The following PPP3CA variants were observed in gnomAD, a reference collection of about 807,000 sequenced individuals.
PPP3CA encodes protein phosphatase 3 catalytic subunit alpha, also known as CAM-PRP catalytic subunit.
In PPP3CA, 14 loss-of-function variants were observed where a neutral mutation model predicts 66.5. That is an observed-to-expected ratio of 0.21 (90% CI 0.14 to 0.33). The LOEUF is 0.33. Among genes scored for constraint, PPP3CA ranks in the 10% least tolerant of loss-of-function variants. PPP3CA has a pLI of 1.00. For missense variants in PPP3CA, 317 were observed against 639.5 expected, an observed-to-expected ratio of 0.50 and a Z score of 5.44; for synonymous variants, 232 against 226.2, an observed-to-expected ratio of 1.03 and a Z score of -0.23.
intron 2 of PPP3CA, among the ~76,000 whole-genome samples, chr4:101,180,037 G>C (rs142902283): frequency 6.6e-6 from 1 of 152,084 alleles, no homozygotes; most frequent in Non-Finnish European, 1.5e-5. Context: ...AAAATGATAG[G>C]ACCATGATTA....
chr4:101,085,024 T>C (rs903808601), intron 6 of PPP3CA, among the ~76,000 whole-genome samples: 2 of 152,148 alleles, frequency 1.3e-5, no homozygotes, highest in Non-Finnish European at 2.9e-5. Flanking sequence ...GGTAAGTGTG[T>C]GTCAGAGAAA....
intron 11 of PPP3CA, among the ~76,000 whole-genome samples, chr4:101,034,350 AAAT>A (rs1223760465): frequency 1.3e-5 from 2 of 152,124 alleles, no homozygotes; most frequent in African/African-American, 4.8e-5. Flanking sequence ...ATGCCATTTA[AAAT>A]AATAATAATC....
chr4:101,194,541 T>C (rs1330008947), intron 2 of PPP3CA, among the ~76,000 whole-genome samples: 1 of 152,152 alleles, frequency 6.6e-6, no homozygotes, highest in Non-Finnish European at 1.5e-5. Context: ...CCAAAGTCTC[T>C]GGTATTAGAA....
At chr4:101,117,337 A>AG (rs1439726725) in intron 2 of PPP3CA, among the ~76,000 whole-genome samples, 1 of 151,918 alleles carries the variant, frequency 6.6e-6, no homozygotes, top group Non-Finnish European at 1.5e-5. Context: ...AGCATATACA[A>AG]TACCATCATT....
intron 1 of PPP3CA, among the ~76,000 whole-genome samples, chr4:101,310,289 T>A (rs1265323225): frequency 6.6e-6 from 1 of 152,228 alleles, no homozygotes; most frequent in Non-Finnish European, 1.5e-5. Context: ...TTAATATTGA[T>A]CAACTTGACT....
intron 2 of PPP3CA, among the ~76,000 whole-genome samples, chr4:101,176,168 T>C (rs1724052239): frequency 6.6e-6 from 1 of 152,102 alleles, no homozygotes; most frequent in Non-Finnish European, 1.5e-5. Context: ...CATTAAGGGA[T>C]TGCTTTATTT....
intron 1 of PPP3CA, among the ~76,000 whole-genome samples, chr4:101,203,695 A>C (rs1285409209): frequency 1.3e-5 from 2 of 152,126 alleles, no homozygotes; most frequent in African/African-American, 4.8e-5. Context: ...AGATTTTCTC[A>C]TGCTCCTTCC....
At chr4:101,057,107 T>G (rs1728259131) in intron 10 of PPP3CA, among the ~76,000 whole-genome samples, 1 of 151,798 alleles carries the variant, frequency 6.6e-6, no homozygotes, top group Admixed American at 6.6e-5. Flanking sequence ...CAGGTTGGAG[T>G]GCACTGGTGC....
At chr4:101,112,630 T>C (rs552676837) in intron 2 of PPP3CA, among the ~76,000 whole-genome samples, 10 of 152,224 alleles carry the variant, frequency 6.6e-5, no homozygotes, top group African/African-American at 2.4e-4. Flanking sequence ...ATGGAGGTAT[T>C]TTCTTCCTCG....
chr4:101,115,446 TGTAA>T (rs1414621412), intron 2 of PPP3CA, among the ~76,000 whole-genome samples: 2 of 152,058 alleles, frequency 1.3e-5, no homozygotes, highest in African/African-American at 4.8e-5. Context: ...TCTTGTTTTA[TGTAA>T]GTGTTAGGTA....
chr4:101,228,235 T>C (rs749486569), intron 1 of PPP3CA, among the ~76,000 whole-genome samples: 1 of 151,754 alleles, frequency 6.6e-6, no homozygotes, highest in Non-Finnish European at 1.5e-5. Flanking sequence ...GAAATCACCA[T>C]GAGACTGCTC....
intron 2 of PPP3CA, among the ~76,000 whole-genome samples, chr4:101,122,112 T>C (rs1462666098): frequency 6.6e-6 from 1 of 152,180 alleles, no homozygotes; most frequent in Non-Finnish European, 1.5e-5. Flanking sequence ...AGGCTTGAAA[T>C]GGTTGCTGTA....
intron 1 of PPP3CA, among the ~76,000 whole-genome samples, chr4:101,316,723 T>A (rs963858316): frequency 2.0e-5 from 3 of 151,446 alleles, no homozygotes; most frequent in Non-Finnish European, 4.4e-5. Context: ...GGTCCAACTA[T>A]TTATAGAGAT....
At chr4:101,207,748 C>A (rs1290100911) in intron 1 of PPP3CA, among the ~76,000 whole-genome samples, 5 of 151,942 alleles carry the variant, frequency 3.3e-5, no homozygotes, top group African/African-American at 1.2e-4. Flanking sequence ...ATCACTTGAA[C>A]CTGGGAGGCA....
At position 101,169,430 on chromosome 4, in the gene PPP3CA, AC is replaced by A. The variant is rs557324846; in HGVS notation, c.259+26485del. Among the ~76,000 whole-genome samples, 423 of 152,298 alleles carry A rather than the reference AC, an allele frequency of 2.8e-3. 3 individuals are homozygous for A. The highest frequency in any genetic ancestry group is 9.5e-3 in the African/African-American group (393 of 41,574). The stretch of plus-strand genomic sequence containing the variant: ...TCCAGAGGGCGCTATTTACCAGGCT[AC>A]CATGTCATGAGACGTGTAGTGCAGA... On this transcript the variant is annotated intron_variant, in intron 2 of 13. Coordinates refer to ENST00000394854, the MANE Select transcript of PPP3CA (RefSeq NM_000944.5).
In PPP3CA at chr4:101,229,886, G is replaced by A. The variant is rs1372352482; in HGVS notation, c.59-33770C>T. 4.0e-5 allele frequency among the ~76,000 whole-genome samples: 6 copies of A among 151,190 alleles called. 1 individual carries two copies. Among genetic ancestry groups the A allele is most frequent in the Non-Finnish European group, 5.9e-5 (4 of 67,660 alleles). On this transcript the variant is annotated intron_variant, in intron 1 of 13. Transcript: ENST00000394854. ...GCAAAAAGAAAAGTGAGATAGTAAC[G>A]AAAAAAATTGGGAAAGGATAGAAGA... is the stretch of plus-strand genomic sequence containing the variant.
rs184790331 is a variant in PPP3CA at position 101,264,868 on chromosome 4, T to G, written c.59-68752A>C. Among the ~76,000 whole-genome samples the G allele has an allele frequency of 3.4e-3, 512 of 152,236 alleles. 2 individuals are homozygous for G. Among genetic ancestry groups the G allele is most frequent in the African/African-American group, 0.012 (484 of 41,544 alleles). On this transcript the variant is annotated intron_variant, in intron 1 of 13. Transcript: ENST00000394854. ...GAGTTCTGGTGATATATGCCCTTATTAAAGGAGGTAGCAGGGAAAAGTCAG... is the reference window on the plus strand; with the variant it reads ...GAGTTCTGGTGATATATGCCCTTATGAAAGGAGGTAGCAGGGAAAAGTCAG...
intron 1 of PPP3CA, among the ~76,000 whole-genome samples, chr4:101,303,277 T>C (rs1000092647): frequency 2.0e-5 from 3 of 152,200 alleles, no homozygotes; most frequent in African/African-American, 7.2e-5. Flanking sequence ...ACAAATGTAA[T>C]ATTCATATTC....
At chr4:101,028,744 T>C (rs958376230) in intron 13 of PPP3CA, among the ~76,000 whole-genome samples, 1 of 152,198 alleles carries the variant, frequency 6.6e-6, no homozygotes, top group East Asian at 1.9e-4. Context: ...TTTTTTCCTT[T>C]GGCTACAAAC....
Sources: allele counts gnomAD v4.1 joint callset (sites outside exome capture counted in the v4.1 genomes callset), GRCh38; gene constraint gnomAD v4.1.1; transcripts MANE v1.5; gene names NCBI Gene and HGNC (gene_info 2026-07-23, HGNC 2026-07-21).